Variants in DSC1 observed in about 807,000 individuals in gnomAD.
The protein encoded by DSC1 is desmocollin-1.
In DSC1, 79 loss-of-function variants were observed where a neutral mutation model predicts 98.8. The observed-to-expected ratio is 0.80, with a 90% CI of 0.67 to 0.96. The LOEUF is 0.96. Ranked by LOEUF, DSC1 falls within the 50% of genes least tolerant of loss-of-function variation. The pLI is 0.00. For missense variants in DSC1, 1,115 were observed against 1,075.9 expected, an observed-to-expected ratio of 1.04 and a Z score of -0.51; for synonymous variants, 405 against 372.1, an observed-to-expected ratio of 1.09 and a Z score of -1.02.
chr18:31,131,811 G>T lies in DSC1; in HGVS notation c.2270C>A (p.Ser757Tyr), dbSNP rs1468758042. Residue 757 changes from serine (S) to tyrosine (Y), a missense_variant, in exon 15 of 16, where the codon TCC becomes TAC. Transcript: ENST00000257198. ...AGACATGCTTGTGTCACAAATGTTG[G>T]ATGTCTGCATGGGGAGTCTAATATT... ...EANIRLPMQT[S>Y]NICDTSMSVG... is the part of the protein sequence containing the mutation. 1.2e-6 allele frequency: 2 copies of T among 1,613,972 alleles called. No individual in the cohort carries two copies. The highest frequency in any genetic ancestry group is 1.7e-6 in the Non-Finnish European group (2 of 1,179,984).
intron 1 of DSC1, among the ~76,000 whole-genome samples, chr18:31,161,303 A>T (rs150218984): frequency 6.6e-6 from 1 of 152,172 alleles, no homozygotes; most frequent in East Asian, 1.9e-4. Context: ...GTAGTCCATC[A>T]TTGACTGAGG....
chr18:31,147,503 C>A (rs77383140), intron 6 of DSC1, among the ~76,000 whole-genome samples: 1 of 151,790 alleles, frequency 6.6e-6, no homozygotes, highest in Non-Finnish European at 1.5e-5. Flanking sequence ...AAGTATATAA[C>A]CTCATAAAAC....
At chr18:31,134,849 A>G in intron 11 of DSC1, 65 bp from the exon 12 acceptor site, 11 of 1,450,824 alleles carry the variant, frequency 7.6e-6, no homozygotes, top group Non-Finnish European at 8.5e-6. Flanking sequence ...ACAATTTATA[A>G]AATACACAGT....
At chr18:31,142,256 T>C (rs1988754289) in intron 8 of DSC1, 72 bp from the exon 9 acceptor site, 4 of 1,486,980 alleles carry the variant, frequency 2.7e-6, no homozygotes, top group Non-Finnish European at 3.6e-6. Flanking sequence ...AAAACACGTA[T>C]TTAAAGAAAA....
At chr18:31,153,865 T>G (rs1417184675) in intron 5 of DSC1, among the ~76,000 whole-genome samples, 7 of 152,174 alleles carry the variant, frequency 4.6e-5, no homozygotes, top group Non-Finnish European at 8.8e-5. Context: ...CTTTCATAAC[T>G]GCCTTGAGGT....
chr18:31,135,277 T>A lies in DSC1; in HGVS notation c.1664-493A>T, dbSNP rs1331238014. On this transcript the variant is annotated intron_variant, in intron 11 of 15. Transcript: ENST00000257198. Reference sequence around the variant, plus strand: ...CACTCCTAGGAATACTTTTCTCCTCTTCTTTGCCAGATAGCACACTATTAT... The same window carrying A: ...CACTCCTAGGAATACTTTTCTCCTCATCTTTGCCAGATAGCACACTATTAT... Among the ~76,000 whole-genome samples, 5 of 152,168 alleles carry A rather than the reference T, an allele frequency of 3.3e-5. No individual in the cohort carries two copies. The East Asian group carries it at 9.6e-4, about 29-fold the overall frequency.
chr18:31,140,144 G>T lies in DSC1; in HGVS notation c.1418C>A (p.Pro473His). The T allele has an allele frequency of 6.2e-7, 1 of 1,614,004 alleles. No homozygotes were observed. The highest frequency in any genetic ancestry group is 8.5e-7 in the Non-Finnish European group (1 of 1,179,938). Residue 473 changes from proline to histidine, a missense_variant, in exon 10 of 16, where the codon CCT (proline) becomes CAT (histidine). Coordinates refer to ENST00000257198, the MANE Select transcript of DSC1 (RefSeq NM_024421.2). The part of the protein sequence containing the change: ...IDSDEGPECH[P>H]PVKVIQSQDG... Reference sequence around the variant, plus strand: ...TTGACTCTGAATAACTTTCACTGGAGGGTGGCATTCAGGGCCCTCATCACT... The same window carrying T: ...TTGACTCTGAATAACTTTCACTGGATGGTGGCATTCAGGGCCCTCATCACT...
chr18:31,154,732 T>A, intron 5 of DSC1, 42 bp downstream of exon 5: 2 of 1,484,814 alleles, frequency 1.3e-6, no homozygotes, highest in Non-Finnish European at 1.8e-6. Context: ...AGTAAGCCAG[T>A]AATAAAGATA....
chr18:31,131,668 C>A lies in DSC1; in HGVS notation c.2413G>T (p.Gly805Ter). The A allele has an allele frequency of 6.2e-7, 1 of 1,614,080 alleles. No individual in the cohort carries two copies. Among genetic ancestry groups the A allele is most frequent in the Non-Finnish European group, 8.5e-7 (1 of 1,179,980 alleles). The change falls in exon 15 of 16, where the codon GGA (glycine) becomes TGA (stop). Residue 805 changes from glycine to a stop codon, truncating the protein, a stop_gained. Transcript: ENST00000257198. LOFTEE classifies it high-confidence loss of function. ...CTGCCAGTATCTCCCTGCCCCACTC[C>A]CTTGACGGACTCCAAGGTCTGATGT... ...GGHQTLESVK[G>*]VGQGDTGRYA...
At chr18:31,131,445 G>C in intron 15 of DSC1, 149 bp downstream of exon 15, 1 of 1,085,896 alleles carries the variant, frequency 9.2e-7, no homozygotes, top group Non-Finnish European at 1.3e-6. Context: ...TTATCTTTGG[G>C]TTTAAACCAG....
At chr18:31,130,883 C>G in intron 15 of DSC1, 172 bp from the exon 16 acceptor site, 3 of 1,531,440 alleles carry the variant, frequency 2.0e-6, no homozygotes, top group South Asian at 1.2e-5. Flanking sequence ...TATAGTCACT[C>G]TTAAAATATA....
At chr18:31,156,780 C>T (rs1396324267) in intron 3 of DSC1, among the ~76,000 whole-genome samples, 4 of 152,138 alleles carry the variant, frequency 2.6e-5, no homozygotes, top group Non-Finnish European at 4.4e-5. Flanking sequence ...GATGTGAATT[C>T]CAGCAACTTT....
intron 3 of DSC1, 105 bp from the exon 4 acceptor site, chr18:31,156,267 CAAT>C: frequency 7.3e-7 from 1 of 1,365,730 alleles, no homozygotes; most frequent in Non-Finnish European, 1.0e-6. Context: ...TTACACATTA[CAAT>C]ATCATGGCTA....
chr18:31,162,283 G>C (rs1989223948), intron 1 of DSC1, among the ~76,000 whole-genome samples: 1 of 152,202 alleles, frequency 6.6e-6, no homozygotes, highest in African/African-American at 2.4e-5. Context: ...ACAGCAGGAT[G>C]GAAGAGGGAT....
intron 7 of DSC1, among the ~76,000 whole-genome samples, chr18:31,145,116 A>AT (rs1393987732): frequency 6.6e-6 from 1 of 151,082 alleles, no homozygotes; most frequent in African/African-American, 2.4e-5. Flanking sequence ...ATTTCTTTGG[A>AT]TTTTTTTGGT....
chr18:31,150,452 C>T (rs1285536417), intron 5 of DSC1, among the ~76,000 whole-genome samples: 3 of 151,242 alleles, frequency 2.0e-5, no homozygotes, highest in African/African-American at 4.9e-5. Flanking sequence ...ACCACTACCA[C>T]CACCACCATC....
intron 14 of DSC1, 130 bp from the exon 15 acceptor site, chr18:31,131,972 T>A: frequency 9.2e-7 from 1 of 1,090,986 alleles, no homozygotes; most frequent in African/African-American, 1.6e-5. Context: ...AAAATCAGAA[T>A]AATAGTATCA....
At chr18:31,140,349 A>G (rs1347150251) in intron 9 of DSC1, 48 bp from the exon 10 acceptor site, 1 of 1,498,924 alleles carries the variant, frequency 6.7e-7, no homozygotes, top group Non-Finnish European at 9.0e-7. Context: ...CATTATATAT[A>G]AGACTTCTAA....
chr18:31,153,650 C>T (rs1989041632), intron 5 of DSC1, among the ~76,000 whole-genome samples: 1 of 152,130 alleles, frequency 6.6e-6, no homozygotes, highest in African/African-American at 2.4e-5. Context: ...ATAGAATCTA[C>T]TCCTTAGGAT....
Sources: gnomAD v4.1 joint callset for allele counts (sites outside exome capture counted in the v4.1 genomes callset) on GRCh38, gnomAD v4.1.1 for gene constraint, MANE v1.5 for transcripts, NCBI Gene and HGNC (gene_info 2026-07-23, HGNC 2026-07-21) for gene names.